The following PLG variants were observed in gnomAD, a reference collection of about 807,000 sequenced individuals.
PLG encodes the protein plasminogen.
A neutral mutation model predicts 104.4 loss-of-function variants in PLG; 41 were observed. That is an observed-to-expected ratio of 0.39 (90% CI 0.31 to 0.51). The LOEUF (loss-of-function observed/expected upper bound fraction) is 0.51, where lower values mean the gene tolerates loss of function less well. PLG is among the 20% of genes least tolerant of loss of function. The pLI, the probability that PLG is intolerant of heterozygous loss-of-function variation, is 0.76. For missense variants in PLG, 891 were observed against 1,003.6 expected (o/e 0.89, Z 1.52); for synonymous variants, 337 against 357.1 (o/e 0.94, Z 0.63).
At chr6:160,710,156 C>A (rs550850000) in intron 3 of PLG, among the ~76,000 whole-genome samples, 18 of 152,280 alleles carry the variant, frequency 1.2e-4, no homozygotes. Context: ...CCTCCTCAAG[C>A]TTTATAGTCA....
chr6:160,729,689 T>C (rs956594933), intron 10 of PLG, among the ~76,000 whole-genome samples: 2 of 152,200 alleles, frequency 1.3e-5, no homozygotes, highest in Admixed American at 1.3e-4. Flanking sequence ...AACTAATCTT[T>C]AGTGAAGGAA....
intron 6 of PLG, among the ~76,000 whole-genome samples, chr6:160,715,132 G>A (rs574817910): frequency 6.6e-6 from 1 of 152,192 alleles, no homozygotes; most frequent in East Asian, 1.9e-4. Flanking sequence ...TTTTCTGAGA[G>A]TTTGTTAGAA....
Position 160,725,026 on chromosome 6 carries a change from C to T in PLG, c.1256+2459C>T, listed in dbSNP as rs1028617355. Among the ~76,000 whole-genome samples the T allele has an allele frequency of 5.3e-5, 8 of 152,090 alleles. No individual in the cohort carries two copies. The highest frequency in any genetic ancestry group is 1.9e-4 in the African/African-American group (8 of 41,416). The stretch of plus-strand genomic sequence containing the variant: ...GGTCAGGAGTTTGAGACCAGCCTGA[C>T]CAACATGGTGAAACCCCATCTCTAC... On this transcript the variant is annotated intron_variant, in intron 10 of 18. Coordinates refer to ENST00000308192, the MANE Select transcript of PLG (RefSeq NM_000301.5). This position sits in a 1 kb window ranked among gnomAD's most constrained non-coding sequence, Gnocchi z 6.3.
chr6:160,730,365 A>T (rs1394690952), intron 10 of PLG, among the ~76,000 whole-genome samples: 2 of 152,146 alleles, frequency 1.3e-5, no homozygotes, highest in African/African-American at 2.4e-5. Context: ...CTGCCCAGGA[A>T]CCCATCCTAG....
At chr6:160,711,404 ATTGTT>A (rs1489093627) in intron 4 of PLG, 3 of 712,024 alleles carry the variant, frequency 4.2e-6, no homozygotes, top group Non-Finnish European at 7.0e-6. Flanking sequence ...GTTATACTGT[ATTGTT>A]TTTATTTGTA....
At position 160,711,211 on chromosome 6, in the gene PLG, C is replaced by T. The variant is rs747666681; in HGVS notation, c.407+20C>T. 1.2e-6 allele frequency: 2 copies of T among 1,610,376 alleles called. No individual in the cohort carries two copies. The highest frequency in any genetic ancestry group is 1.7e-6 in the Non-Finnish European group (2 of 1,177,290). On this transcript the variant is annotated intron_variant, in intron 4 of 18. Transcript: ENST00000308192. Reference sequence around the variant, plus strand: ...ACCTAGGTAAGACATTCCCTTTCATCTTTGTGTTCATCTACTGTAAAGTTG... The same window carrying T: ...ACCTAGGTAAGACATTCCCTTTCATTTTTGTGTTCATCTACTGTAAAGTTG...
intron 2 of PLG, among the ~76,000 whole-genome samples, chr6:160,706,917 T>C (rs771542641): frequency 6.6e-6 from 1 of 151,066 alleles, no homozygotes; most frequent in South Asian, 2.1e-4. Context: ...CCCTTTAGTA[T>C]TTAAGGTGTA....
chr6:160,731,745 A>C lies in PLG; in HGVS notation c.1439A>C (p.Asp480Ala). ...LPDVETPSEEDCMFGNGKGYR... is the reference protein window; with the variant it reads ...LPDVETPSEEACMFGNGKGYR... ...AATCATCCATTTTTTCCCTGTACAG[A>C]CTGTATGTTTGGGAATGGGAAAGGA... Residue 480 changes from aspartate (D) to alanine (A), a missense_variant and splice_region_variant, in exon 12 of 19, where the codon GAC (aspartate) becomes GCC (alanine). Physicochemically the swap from Asp to Ala is moderately radical, Grantham distance 126. Around this residue, in one of 2 missense-constraint regions of PLG, gnomAD observed 854 missense variants for 932.1 expected, o/e 0.92. Coordinates refer to ENST00000308192, the MANE Select transcript of PLG (RefSeq NM_000301.5). The surrounding 1 kb of genome is among the most constrained non-coding windows in gnomAD (Gnocchi z 5.1). 1 of 1,613,454 alleles carries C rather than the reference A, an allele frequency of 6.2e-7. No homozygotes were observed. The highest frequency in any genetic ancestry group is 2.2e-5 in the East Asian group (1 of 44,844).
intron 9 of PLG, 84 bp from the exon 10 acceptor site, chr6:160,722,324 A>T: frequency 1.2e-6 from 1 of 868,910 alleles, no homozygotes; most frequent in Non-Finnish European, 2.0e-6. Flanking sequence ...CTCAGAGGCT[A>T]CCGTACTGTT....
At position 160,736,891 on chromosome 6, in the gene PLG, C is replaced by A; in HGVS notation, c.1686C>A (p.Ala562=). The A allele has an allele frequency of 1.2e-6, 2 of 1,613,870 alleles. No individual in the cohort carries two copies. The highest frequency in any genetic ancestry group is 1.7e-6 in the Non-Finnish European group (2 of 1,179,848). The change falls in exon 14 of 19, where the codon GCC becomes GCA. Residue 562 remains alanine (A), a synonymous_variant. Coordinates refer to ENST00000308192, the MANE Select transcript of PLG (RefSeq NM_000301.5). The surrounding 1 kb of genome is among the most constrained non-coding windows in gnomAD (Gnocchi z 5.2). ...YDYCDVPQCA[A]PSFDCGKPQV... is the part of the protein sequence containing the mutation. ...CTTTCCCACCTTGTGCCACAGCGGCCCCTTCATTTGATTGTGGGAAGCCTC... is the reference window on the plus strand; with the variant it reads ...CTTTCCCACCTTGTGCCACAGCGGCACCTTCATTTGATTGTGGGAAGCCTC...
At chr6:160,748,378 A>AGAGAGAG (rs1562383356) in intron 17 of PLG, among the ~76,000 whole-genome samples, 10 of 41,598 alleles carry the variant, frequency 2.4e-4, no homozygotes, top group African/African-American at 4.9e-4. Context: ...GAAAGAAAGA[A>AGAGAGAG]AGAAAGAAAG....
chr6:160,711,602 T>A (rs1390913096), intron 4 of PLG: 4 of 1,609,950 alleles, frequency 2.5e-6, no homozygotes, highest in East Asian at 4.5e-5. Context: ...ATCTTTTTGA[T>A]GTCGATGTTC....
rs1778163038 is a variant in PLG at position 160,740,050 on chromosome 6, C to T, written c.2018+842C>T. Among the ~76,000 whole-genome samples, 1 of 152,112 alleles carries T rather than the reference C, an allele frequency of 6.6e-6. No homozygotes were observed. Among genetic ancestry groups the T allele is most frequent in the Non-Finnish European group, 1.5e-5 (1 of 68,020 alleles). ...GGGACAGGTGACAAGGCACGCAGGG[C>T]GCTCGCTGTGCTGGTGGTTCTGGAA... On this transcript the variant is annotated intron_variant, in intron 16 of 18. Coordinates refer to ENST00000308192, the MANE Select transcript of PLG (RefSeq NM_000301.5). This position sits in a 1 kb window ranked among gnomAD's most constrained non-coding sequence, Gnocchi z 5.2.
chr6:160,706,688 A>G, intron 2 of PLG, 146 bp downstream of exon 2: 1 of 771,128 alleles, frequency 1.3e-6, no homozygotes. Context: ...ATGTGAAGCC[A>G]TACTAACAGC....
At chr6:160,715,682 C>A (rs1442632374) in intron 6 of PLG, among the ~76,000 whole-genome samples, 1 of 152,166 alleles carries the variant, frequency 6.6e-6, no homozygotes, top group Non-Finnish European at 1.5e-5. Flanking sequence ...TGAGGCTGAG[C>A]CACAGATTCC....
chr6:160,743,573 G>T (rs898056631), intron 17 of PLG, among the ~76,000 whole-genome samples: 1 of 152,078 alleles, frequency 6.6e-6, no homozygotes, highest in African/African-American at 2.4e-5. Context: ...AGACTATGGG[G>T]TTTTCTAGAC....
chr6:160,740,376 T>C lies in PLG; in HGVS notation c.2019-935T>C, dbSNP rs1778170099. On this transcript the variant is annotated intron_variant, in intron 16 of 18. Transcript: ENST00000308192. This position sits in a 1 kb window ranked among gnomAD's most constrained non-coding sequence, Gnocchi z 5.2. ...TGATCCTCAGAGAGCTGGGGTGTTC[T>C]GATGGCTTGAACAAGTAATTTGGAA... Among the ~76,000 whole-genome samples the C allele has an allele frequency of 6.6e-6, 1 of 152,240 alleles. No homozygotes were observed. The highest frequency in any genetic ancestry group is 1.5e-5 in the Non-Finnish European group (1 of 68,040).
intron 10 of PLG, among the ~76,000 whole-genome samples, chr6:160,728,558 T>C (rs1289757289): frequency 1.3e-5 from 2 of 152,032 alleles, no homozygotes; most frequent in Non-Finnish European, 2.9e-5. Flanking sequence ...AAAAAAAGTA[T>C]ACAGATATAG....
chr6:160,734,148 AG>A lies in PLG; in HGVS notation c.1681+62del. 1 of 963,996 alleles carries A rather than the reference AG, an allele frequency of 1.0e-6. No homozygotes were observed. Among genetic ancestry groups the A allele is most frequent in the Non-Finnish European group, 1.7e-6 (1 of 593,264 alleles). 59.7% of individuals were successfully genotyped at this position (963,996 alleles called of 1,614,324 possible). A position where few individuals can be genotyped will look rare whatever the true frequency, so the allele number is the denominator to read the frequency against. ...ACTTAATATGGATTTGCAACAAAAA[AG>A]GAAAAGGGCTTCTGAGCAGACTGCT... On this transcript the variant is annotated intron_variant, in intron 13 of 18. Transcript: ENST00000308192. The surrounding 1 kb of genome is among the most constrained non-coding windows in gnomAD (Gnocchi z 4.4).
Sources: gnomAD v4.1 joint callset for allele counts (sites outside exome capture counted in the v4.1 genomes callset) on GRCh38, gnomAD v4.1.1 for gene constraint, gnomAD v4.1.1 regional missense constraint, Gnocchi (gnomAD v3.1) non-coding constraint, MANE v1.5 for transcripts, NCBI Gene and HGNC (gene_info 2026-07-23, HGNC 2026-07-21) for gene names.